Variants in MADD observed in about 807,000 individuals in gnomAD.
The protein encoded by MADD is MAP kinase-activating death domain protein.
A neutral mutation model predicts 176.7 loss-of-function variants in MADD; 109 were observed. That is an observed-to-expected ratio of 0.62 (90% CI 0.53 to 0.72). MADD has a LOEUF of 0.72. MADD is among the 30% of genes least tolerant of loss of function. The pLI is 0.00. For missense variants in MADD, 1,914 were observed against 2,045.5 expected, an observed-to-expected ratio of 0.94 and a Z score of 1.24; for synonymous variants, 771 against 771.3, an observed-to-expected ratio of 1.00 and a Z score of 0.01.
At chr11:47,294,348 CAAAAAA>C (rs796517395) in intron 20 of MADD, among the ~76,000 whole-genome samples, 16 of 143,904 alleles carry the variant, frequency 1.1e-4, no homozygotes, top group South Asian at 6.6e-4. Flanking sequence ...AACTCCATCT[CAAAAAA>C]AAAAAAAAAT....
intron 26 of MADD, among the ~76,000 whole-genome samples, chr11:47,313,515 G>T (rs2091223675): frequency 6.6e-6 from 1 of 151,288 alleles, no homozygotes; most frequent in South Asian, 2.1e-4. Context: ...ATAGAGACGG[G>T]GTTTCACCAT....
Position 47,276,831 on chromosome 11 carries a change from C to T in MADD, c.1063C>T (p.Leu355=), listed in dbSNP as rs1158852817. Reference sequence around the variant, plus strand: ...GGAGTATATGTTTCCTGTCATCCCGCTGCTACCCACCTGCATGGCATCAGC... The same window carrying T: ...GGAGTATATGTTTCCTGTCATCCCGTTGCTACCCACCTGCATGGCATCAGC... The change falls in exon 5 of 33, where the codon CTG becomes TTG. Residue 355 remains leucine (L), a synonymous_variant. Transcript: ENST00000402192. 3.7e-6 allele frequency: 6 copies of T among 1,614,204 alleles called. No individual in the cohort carries two copies. In the Admixed American group the frequency reaches 1.0e-4, roughly 27 times the overall value.
intron 22 of MADD, 30 bp downstream of exon 24, chr11:47,296,085 C>A (rs1347798618): frequency 6.2e-7 from 1 of 1,603,924 alleles, no homozygotes; most frequent in Non-Finnish European, 8.5e-7. Context: ...AAAAGAAAAC[C>A]ATTTCTTTAA....
intron 27 of MADD, among the ~76,000 whole-genome samples, chr11:47,321,587 G>A (rs1418079993): frequency 1.3e-5 from 2 of 152,154 alleles, no homozygotes; most frequent in Non-Finnish European, 2.9e-5. Flanking sequence ...CATTATGAAA[G>A]AAGCTCAGGG....
At chr11:47,305,808 T>A (rs566232939) in intron 22 of MADD, among the ~76,000 whole-genome samples, 23 of 152,250 alleles carry the variant, frequency 1.5e-4, no homozygotes, top group African/African-American at 5.5e-4. Context: ...TGGAGTTGTT[T>A]GGCTAGGGCA....
Position 47,292,540 on chromosome 11 carries a change from T to G in MADD, c.3302-1343T>G, listed in dbSNP as rs191463825. On this transcript the variant is annotated intron_variant, in intron 19 of 32. Coordinates refer to ENST00000402192, the Ensembl canonical transcript of MADD. ...TCTCCTGCTTGCATTGCATCTGGGG[T>G]AGAATTGTGGAACAAGCACCAGGAA... 6.2e-7 allele frequency: 1 copy of G among 1,613,588 alleles called. No individual in the cohort carries two copies. The highest frequency in any genetic ancestry group is 2.2e-5 in the East Asian group (1 of 44,840).
In MADD at chr11:47,309,095, G is replaced by T. The variant is rs1227393944; in HGVS notation, c.3752-186G>T. On this transcript the variant is annotated intron_variant, in intron 23 of 32. Coordinates refer to ENST00000402192, the Ensembl canonical transcript of MADD. ...TCATCCCTCCTCCTTGGGAGGGACT[G>T]GGCCTTACTTGGAGGCATCTGGGGC... 8 of 1,587,764 alleles carry T rather than the reference G, an allele frequency of 5.0e-6. No homozygotes were observed. The Admixed American group carries it at 6.7e-5, about 13-fold the overall frequency.
At chr11:47,284,710 T>TA in intron 12 of MADD, 145 bp downstream of exon 12, 1 of 1,247,918 alleles carries the variant, frequency 8.0e-7, no homozygotes, top group Non-Finnish European at 1.1e-6. Flanking sequence ...GCTTAGAGCC[T>TA]AAGAGACCTA....
At position 47,326,880 on chromosome 11, in the gene MADD, G is replaced by T. The variant is rs182507669; in HGVS notation, c.4612+73G>T. The T allele has an allele frequency of 4.1e-3, 6,508 of 1,593,112 alleles. 20 individuals are homozygous for T. Among genetic ancestry groups the T allele is most frequent in the Non-Finnish European group, 5.0e-3 (5,800 of 1,170,422 alleles). On this transcript the variant is annotated intron_variant, in intron 31 of 32. Coordinates refer to ENST00000402192, the Ensembl canonical transcript of MADD. ...TCAAACCTCGGAGCTCCAGAGGAGG[G>T]TCTAGGGGCAGGGAGAAGAAGAACC...
intron 1 of MADD, among the ~76,000 whole-genome samples, chr11:47,270,460 C>G (rs1306418752): frequency 1.5e-5 from 2 of 131,320 alleles, no homozygotes; most frequent in Non-Finnish European, 3.1e-5. Context: ...GGCTACTGGG[C>G]TTGGTTCCTG....
Position 47,323,665 on chromosome 11 carries a change from C to T in MADD, c.4198-6C>T. On this transcript the variant is annotated splice_region_variant and splice_polypyrimidine_tract_variant and intron_variant, in intron 27 of 32. Transcript: ENST00000402192. ...AACCACTGAGCCGCTTTGTGCACTT[C>T]TCCAGGTGTGCGATGACTGTGTGGT... 6.2e-7 allele frequency: 1 copy of T among 1,612,100 alleles called. No individual in the cohort carries two copies. Among genetic ancestry groups the T allele is most frequent in the Non-Finnish European group, 8.5e-7 (1 of 1,179,258 alleles).
chr11:47,293,550 G>A (rs1434736398), intron 19 of MADD, among the ~76,000 whole-genome samples: 1 of 152,128 alleles, frequency 6.6e-6, no homozygotes. Flanking sequence ...TGATCTACCT[G>A]CCTCAGCCTC....
intron 22 of MADD, among the ~76,000 whole-genome samples, chr11:47,304,089 T>A (rs187075510): frequency 3.9e-4 from 60 of 152,308 alleles, no homozygotes; most frequent in Middle Eastern, 6.8e-3. Flanking sequence ...CTTAATGAGA[T>A]CCCCTAAGTG....
At chr11:47,285,481 G>A in exon 14 of MADD, 1 of 1,614,200 alleles carries the variant, frequency 6.2e-7, no homozygotes, top group East Asian at 2.2e-5. Context: ...CCAACAGCTT[G>A]AGACTGGCAA....
At chr11:47,276,977 T>C (rs959124692) in intron 5 of MADD, 114 bp downstream of exon 5, 9 of 1,285,738 alleles carry the variant, frequency 7.0e-6, no homozygotes, top group South Asian at 2.8e-5. Flanking sequence ...TCATAACTTA[T>C]TTGTCTACAA....
chr11:47,328,626 TTC>T (rs764026146), intron 31 of MADD, 30 bp from the exon 36 acceptor site: 4 of 1,614,084 alleles, frequency 2.5e-6, no homozygotes, highest in Non-Finnish European at 3.4e-6. Flanking sequence ...GTGTTGAACT[TTC>T]TGTTTTGTCT....
At chr11:47,311,646 G>T in intron 25 of MADD, 86 bp from the exon 29 acceptor site, 1 of 818,162 alleles carries the variant, frequency 1.2e-6, no homozygotes, top group Non-Finnish European at 2.1e-6. Context: ...TCAGATGGTG[G>T]GAAGCCCACT....
intron 13 of MADD, 96 bp from the exon 14 acceptor site, chr11:47,285,355 A>C: frequency 1.3e-6 from 2 of 1,567,634 alleles, no homozygotes; most frequent in South Asian, 2.3e-5. Context: ...GAATTACGGG[A>C]AGGGAGTGGC....
At chr11:47,290,168 A>G (rs2063968827) in exon 18 of MADD, 1 of 1,614,062 alleles carries the variant, frequency 6.2e-7, no homozygotes, top group Non-Finnish European at 8.5e-7. Context: ...CGGAAGGTGT[A>G]CAAGGGAATG....
Sources: allele counts gnomAD v4.1 joint callset (sites outside exome capture counted in the v4.1 genomes callset), GRCh38; gene constraint gnomAD v4.1.1; transcripts MANE v1.5; gene names NCBI Gene and HGNC (gene_info 2026-07-23, HGNC 2026-07-21).